The following GRM4 variants were observed in gnomAD, a reference collection of about 807,000 sequenced individuals.
GRM4 encodes the protein metabotropic glutamate receptor 4.
Under a neutral mutation model 81.7 loss-of-function variants are expected in GRM4, and 28 were observed. The ratio of observed to expected loss-of-function variants is 0.34; its 90% CI spans 0.25 to 0.47. The LOEUF (loss-of-function observed/expected upper bound fraction) is 0.47, where lower values mean the gene tolerates loss of function less well. GRM4 is among the 20% of genes least tolerant of loss of function. The pLI is 1.00. For synonymous variants in GRM4, 488 were observed against 528.8 expected, an observed-to-expected ratio of 0.92 and a Z score of 1.06; for missense variants, 948 against 1,290.0, an observed-to-expected ratio of 0.73 and a Z score of 4.06.
At chr6:34,131,888 C>A (rs1257962456) in intron 2 of GRM4, among the ~76,000 whole-genome samples, 1 of 152,110 alleles carries the variant, frequency 6.6e-6, no homozygotes, top group African/African-American at 2.4e-5. Context: ...AGGGACCAAG[C>A]AGCTTCCTCT....
At chr6:34,028,502 C>T in intron 9 of GRM4, 136 bp from the exon 10 acceptor site, 4 of 882,240 alleles carry the variant, frequency 4.5e-6, no homozygotes, top group Non-Finnish European at 5.2e-6. Context: ...GGAGCTGGGA[C>T]TGCAGACCAG....
chr6:34,070,981 C>T lies in GRM4; in HGVS notation c.737-8953G>A, dbSNP rs116210670. ...CCACAAAGATGGGCACAGGGCCATA[C>T]GCACACACTGACAGAGTCACAGATC... On this transcript the variant is annotated intron_variant, in intron 3 of 10. Transcript: ENST00000538487. This position sits in a 1 kb window ranked among gnomAD's most constrained non-coding sequence, Gnocchi z 4.6. Among the ~76,000 whole-genome samples the T allele has an allele frequency of 0.025, 3,803 of 151,942 alleles. 87 individuals are homozygous for T. Among genetic ancestry groups the T allele is most frequent in the African/African-American group, 0.056 (2,332 of 41,340 alleles).
chr6:34,040,541 C>T lies in GRM4; in HGVS notation c.1369+7G>A. The T allele has an allele frequency of 6.2e-7, 1 of 1,609,748 alleles. No homozygotes were observed. Among genetic ancestry groups the T allele is most frequent in the South Asian group, 1.1e-5 (1 of 90,478 alleles). On this transcript the variant is annotated splice_region_variant and intron_variant, in intron 7 of 10. Coordinates refer to ENST00000538487, the MANE Select transcript of GRM4 (RefSeq NM_000841.4). ...AGGGTCAGGCACAGTCCGCACCACA[C>T]CCCCACCTGAGAAGTTGACGTTTCG...
chr6:34,091,938 C>T lies in GRM4; in HGVS notation c.681G>A (p.Glu227=). The change falls in exon 3 of 11, where the codon GAG becomes GAA. Residue 227 remains glutamate (E), a synonymous_variant. Coordinates refer to ENST00000538487, the MANE Select transcript of GRM4 (RefSeq NM_000841.4). ...KWNYVSTVAS[E]GSYGESGVEA... is the part of the protein sequence containing the mutation. The stretch of plus-strand genomic sequence containing the variant: ...CCACACCGCTCTCACCATAGCTGCC[C>T]TCCGAGGCCACTGTGGACACATAGT... The T allele has an allele frequency of 6.2e-7, 1 of 1,614,156 alleles. No homozygotes were observed. The highest frequency in any genetic ancestry group is 1.3e-5 in the African/African-American group (1 of 75,076).
At chr6:34,027,223 T>A (rs559295306) in intron 10 of GRM4, among the ~76,000 whole-genome samples, 1 of 152,124 alleles carries the variant, frequency 6.6e-6, no homozygotes, top group Admixed American at 6.5e-5. Flanking sequence ...GGGGTGTTGA[T>A]CAGAGAGGGA....
upstream of GRM4, among the ~76,000 whole-genome samples, chr6:34,148,407 C>CACAGAG (rs34258089): frequency 6.6e-6 from 1 of 151,992 alleles, no homozygotes; most frequent in African/African-American, 2.4e-5. Context: ...GACACACACA[C>CACAGAG]AGACACATAG....
chr6:34,053,369 C>T (rs1213357900), intron 6 of GRM4, among the ~76,000 whole-genome samples: 1 of 152,188 alleles, frequency 6.6e-6, no homozygotes, highest in Non-Finnish European at 1.5e-5. Flanking sequence ...CATGGGGAAA[C>T]CAGAGCTGCC....
intron 8 of GRM4, among the ~76,000 whole-genome samples, chr6:34,039,617 G>A (rs1477871338): frequency 6.6e-6 from 1 of 152,256 alleles, no homozygotes; most frequent in Non-Finnish European, 1.5e-5. Context: ...CATTCCATGA[G>A]CTAGGAAAGC....
intron 2 of GRM4, among the ~76,000 whole-genome samples, chr6:34,119,916 G>A (rs73744820): frequency 6.6e-6 from 1 of 152,074 alleles, no homozygotes; most frequent in Non-Finnish European, 1.5e-5. Context: ...AGGATATCCA[G>A]AGAACCCAGC....
At position 34,068,207 on chromosome 6, in the gene GRM4, G is replaced by A. The variant is rs1434441837; in HGVS notation, c.737-6179C>T. On this transcript the variant is annotated intron_variant, in intron 3 of 10. Coordinates refer to ENST00000538487, the MANE Select transcript of GRM4 (RefSeq NM_000841.4). This position sits in a 1 kb window ranked among gnomAD's most constrained non-coding sequence, Gnocchi z 4.2. ...ACCTGGATTCACCCTGGAGAACAGG[G>A]AGGCTTGGGCTGGGCCACGCAGCTG... 1.3e-5 allele frequency among the ~76,000 whole-genome samples: 2 copies of A among 152,212 alleles called. No individual in the cohort carries two copies. The highest frequency in any genetic ancestry group is 2.9e-5 in the Non-Finnish European group (2 of 68,036).
chr6:34,056,500 C>G (rs1361558746), intron 6 of GRM4, 44 bp downstream of exon 6: 3 of 1,568,140 alleles, frequency 1.9e-6, no homozygotes, highest in South Asian at 2.3e-5. Context: ...CCCTCCCCGG[C>G]TCCTCCTAGA....
intron 3 of GRM4, among the ~76,000 whole-genome samples, chr6:34,067,838 C>A (rs1054849699): frequency 6.6e-6 from 1 of 152,178 alleles, no homozygotes; most frequent in African/African-American, 2.4e-5. Flanking sequence ...CCTGGAGCCA[C>A]ACCCCCACCG....
intron 2 of GRM4, among the ~76,000 whole-genome samples, chr6:34,123,415 G>A (rs539907586): frequency 8.5e-5 from 13 of 152,182 alleles, no homozygotes; most frequent in Non-Finnish European, 1.8e-4. Flanking sequence ...TTCGGCAGGA[G>A]ATGAGGACAA....
In GRM4 at chr6:34,021,053, C is replaced by T. The variant is rs1763854316; in HGVS notation, c.*1768G>A. On this transcript the variant is annotated 3_prime_UTR_variant, in exon 11 of 11. Transcript: ENST00000538487. This position sits in a 1 kb window ranked among gnomAD's most constrained non-coding sequence, Gnocchi z 5.3. ...CTATGGCCTCATTGTGTTTCTGGCT[C>T]TATAATTTACCCCAGCCAGAGCCCA... 2 of 152,158 alleles carry T rather than the reference C, an allele frequency of 1.3e-5. No individual in the cohort carries two copies. Among genetic ancestry groups the T allele is most frequent in the Non-Finnish European group, 2.9e-5 (2 of 68,074 alleles). The allele number at this position is 152,158 out of a possible 1,614,324, so 9.4% of individuals were successfully genotyped here. A position where few individuals can be genotyped will look rare whatever the true frequency, so the allele number is the denominator to read the frequency against.
chr6:34,046,167 C>A (rs1007190099), intron 6 of GRM4, among the ~76,000 whole-genome samples: 2 of 152,198 alleles, frequency 1.3e-5, no homozygotes, highest in African/African-American at 4.8e-5. Context: ...GCTGAAGCAG[C>A]TCCCTCACGC....
chr6:34,123,866 C>T lies in GRM4; in HGVS notation c.519+9112G>A, dbSNP rs61568518. Among the ~76,000 whole-genome samples the T allele has an allele frequency of 6.6e-3, 1,008 of 152,350 alleles. 5 individuals are homozygous for T. Among genetic ancestry groups the T allele is most frequent in the Middle Eastern group, 0.044 (13 of 294 alleles). On this transcript the variant is annotated intron_variant, in intron 2 of 10. Transcript: ENST00000538487. ...GATCCCCATCTGGCTGGCCCTTCCTCTCTCTGGTCTCCAGCACCCAACTCT... is the reference window on the plus strand; with the variant it reads ...GATCCCCATCTGGCTGGCCCTTCCTTTCTCTGGTCTCCAGCACCCAACTCT...
At chr6:34,057,188 T>C (rs1765941536) in intron 5 of GRM4, among the ~76,000 whole-genome samples, 1 of 152,198 alleles carries the variant, frequency 6.6e-6, no homozygotes, top group Admixed American at 6.5e-5. Flanking sequence ...CTCCTCCACA[T>C]GCTCTGCGTG....
intron 9 of GRM4, among the ~76,000 whole-genome samples, chr6:34,030,602 G>C (rs571449019): frequency 1.3e-5 from 2 of 152,324 alleles, no homozygotes; most frequent in African/African-American, 4.8e-5. Flanking sequence ...GGCAGGGCCA[G>C]CGCTATGAGT....
intron 9 of GRM4, among the ~76,000 whole-genome samples, chr6:34,032,071 A>G (rs1425575205): frequency 3.9e-5 from 6 of 152,060 alleles, no homozygotes; most frequent in Admixed American, 2.6e-4. Flanking sequence ...ATCCACCTGC[A>G]CACACTCACT....
Sources: allele counts gnomAD v4.1 joint callset (sites outside exome capture counted in the v4.1 genomes callset), GRCh38; gene constraint gnomAD v4.1.1; non-coding constraint Gnocchi (gnomAD v3.1); transcripts MANE v1.5; gene names NCBI Gene and HGNC (gene_info 2026-07-23, HGNC 2026-07-21).